PDE4D: variants seen among roughly 807,000 people sequenced by gnomAD.
PDE4D encodes the protein 3',5'-cyclic-AMP phosphodiesterase 4D.
In PDE4D, 24 loss-of-function variants were observed where a neutral mutation model predicts 87.4. That is an observed-to-expected ratio of 0.27 (90% CI 0.20 to 0.39). PDE4D has a LOEUF of 0.39. Ranked by LOEUF, PDE4D falls within the 10% of genes least tolerant of loss-of-function variation. PDE4D has a pLI of 1.00. For synonymous variants in PDE4D, 384 were observed against 383.2 expected (o/e 1.00, Z -0.02); for missense variants, 714 against 1,041.0 (o/e 0.69, Z 4.32).
intron 1 of PDE4D, among the ~76,000 whole-genome samples, chr5:60,334,544 C>T (rs1415268820): frequency 6.6e-6 from 1 of 152,062 alleles, no homozygotes; most frequent in African/African-American, 2.4e-5. Flanking sequence ...ATGCCTAGCC[C>T]TTCTGCCAGA....
intron 1 of PDE4D, among the ~76,000 whole-genome samples, chr5:59,801,234 G>A (rs1266084138): frequency 6.6e-6 from 1 of 152,150 alleles, no homozygotes; most frequent in Non-Finnish European, 1.5e-5. Flanking sequence ...TTCCCCAGTA[G>A]TTTCAGTAAG....
At chr5:59,189,259 T>TTG (rs1554092819) in intron 3 of PDE4D, among the ~76,000 whole-genome samples, 12 of 141,282 alleles carry the variant, frequency 8.5e-5, no homozygotes, top group Admixed American at 7.7e-4. Context: ...TTTTGTTTTT[T>TTG]TTTTTTTGAG....
intron 3 of PDE4D, among the ~76,000 whole-genome samples, chr5:59,900,263 T>TGC (rs1752111715): frequency 7.4e-6 from 1 of 135,798 alleles, no homozygotes; most frequent in Non-Finnish European, 1.5e-5. Flanking sequence ...TATATATATA[T>TGC]ACACACACAC....
At chr5:59,276,103 C>G (rs1764741518) in intron 1 of PDE4D, 1 of 954,108 alleles carries the variant, frequency 1.0e-6, no homozygotes, top group Non-Finnish European at 1.2e-6. Context: ...GTTCAAAACA[C>G]CGCAGGGCAG....
At chr5:59,086,984 G>A (rs1767811503) in intron 5 of PDE4D, among the ~76,000 whole-genome samples, 1 of 152,114 alleles carries the variant, frequency 6.6e-6, no homozygotes, top group Non-Finnish European at 1.5e-5. Context: ...TCTCAAATTT[G>A]AGGGGTCATA....
At chr5:60,048,555 T>G (rs1232698306) in intron 2 of PDE4D, among the ~76,000 whole-genome samples, 37 of 152,258 alleles carry the variant, frequency 2.4e-4, no homozygotes, top group East Asian at 5.8e-4. Context: ...TTTTAGGGCA[T>G]GCCTGGTGGT....
intron 2 of PDE4D, among the ~76,000 whole-genome samples, chr5:59,208,755 C>G (rs1256169668): frequency 6.6e-6 from 1 of 152,122 alleles, no homozygotes; most frequent in Admixed American, 6.6e-5. Context: ...ATGAAACTCC[C>G]ATTTTTTTAA....
chr5:59,697,300 A>G (rs1263571309), intron 1 of PDE4D, among the ~76,000 whole-genome samples: 2 of 152,234 alleles, frequency 1.3e-5, no homozygotes, highest in Non-Finnish European at 2.9e-5. Context: ...TAAATAAAAA[A>G]GTTACATAAT....
intron 1 of PDE4D, among the ~76,000 whole-genome samples, chr5:60,337,092 G>T (rs151332454): frequency 6.6e-6 from 1 of 150,544 alleles, no homozygotes; most frequent in South Asian, 2.1e-4. Flanking sequence ...TGCCAAGGCC[G>T]GTGGATCACC....
At chr5:59,420,863 C>T (rs1794372381) in intron 1 of PDE4D, among the ~76,000 whole-genome samples, 1 of 152,008 alleles carries the variant, frequency 6.6e-6, no homozygotes, top group South Asian at 2.1e-4. Context: ...ACAGCACAAA[C>T]CAGAGCACAT....
intron 1 of PDE4D, among the ~76,000 whole-genome samples, chr5:59,401,430 A>T (rs957587362): frequency 1.3e-5 from 2 of 151,050 alleles, no homozygotes; most frequent in African/African-American, 4.9e-5. Flanking sequence ...TGTTTCTAAT[A>T]CATATATTAG....
At chr5:59,237,288 G>C (rs1302645808) in intron 1 of PDE4D, among the ~76,000 whole-genome samples, 1 of 152,060 alleles carries the variant, frequency 6.6e-6, no homozygotes, top group Non-Finnish European at 1.5e-5. Flanking sequence ...CCCCTTCCCA[G>C]CTATTTGAGG....
At chr5:60,208,720 A>G (rs1223752486) in intron 1 of PDE4D, among the ~76,000 whole-genome samples, 1 of 152,206 alleles carries the variant, frequency 6.6e-6, no homozygotes, top group Non-Finnish European at 1.5e-5. Context: ...ATAACAAAGT[A>G]AAAATATAGT....
intron 1 of PDE4D, among the ~76,000 whole-genome samples, chr5:59,458,346 C>T (rs777120873): frequency 3.9e-5 from 6 of 152,310 alleles, no homozygotes; most frequent in Non-Finnish European, 7.3e-5. Context: ...AAGTAAATTT[C>T]AATGACACTA....
intron 1 of PDE4D, among the ~76,000 whole-genome samples, chr5:59,374,042 A>C (rs746945398): frequency 1.3e-5 from 2 of 152,204 alleles, no homozygotes; most frequent in Non-Finnish European, 2.9e-5. Flanking sequence ...AAATATAGAA[A>C]GGAAAGACCA....
intron 1 of PDE4D, among the ~76,000 whole-genome samples, chr5:59,615,226 G>T (rs1449468505): frequency 6.6e-6 from 1 of 152,100 alleles, no homozygotes; most frequent in Non-Finnish European, 1.5e-5. Flanking sequence ...GCATTTTGAG[G>T]TTAGAAATCA....
intron 5 of PDE4D, among the ~76,000 whole-genome samples, chr5:59,175,994 C>G (rs79132491): frequency 0.021 from 3,204 of 152,024 alleles, 126 homozygotes; most frequent in African/African-American, 0.073. Context: ...GTGTTAGGTA[C>G]TCAAATCTCC....
At chr5:59,630,777 A>G (rs1004148350) in intron 1 of PDE4D, among the ~76,000 whole-genome samples, 1 of 152,138 alleles carries the variant, frequency 6.6e-6, no homozygotes, top group Non-Finnish European at 1.5e-5. Flanking sequence ...TACACTAAAC[A>G]TGGCTACCTA....
intron 1 of PDE4D, among the ~76,000 whole-genome samples, chr5:59,384,443 T>A (rs552236155): frequency 6.6e-6 from 1 of 152,168 alleles, no homozygotes; most frequent in South Asian, 2.1e-4. Context: ...ATCAACAAAG[T>A]CCATGATGGT....
Sources: allele counts gnomAD v4.1 joint callset (sites outside exome capture counted in the v4.1 genomes callset), GRCh38; gene constraint gnomAD v4.1.1; transcripts MANE v1.5; gene names NCBI Gene and HGNC (gene_info 2026-07-23, HGNC 2026-07-21).